The following DENND11 variants were observed in gnomAD, a reference collection of about 807,000 sequenced individuals.
The protein encoded by DENND11 is DENN domain-containing protein 11.
In DENND11, 34 loss-of-function variants were observed where a neutral mutation model predicts 49.2. That is an observed-to-expected ratio of 0.69 (90% CI 0.53 to 0.92). The LOEUF (loss-of-function observed/expected upper bound fraction) is 0.92. Among genes scored for constraint, DENND11 ranks in the 40% least tolerant of loss-of-function variants. The pLI is 0.00. For missense variants in DENND11, 475 were observed against 581.6 expected (o/e 0.82, Z 1.88); for synonymous variants, 238 against 230.3 (o/e 1.03, Z -0.30).
chr7:141,670,017 A>G (rs1417851105), intron 4 of DENND11, among the ~76,000 whole-genome samples: 1 of 150,388 alleles, frequency 6.6e-6, no homozygotes, highest in Non-Finnish European at 1.5e-5. Flanking sequence ...TCACCGTGTT[A>G]GCCAGGATGG....
At chr7:141,669,504 C>T (rs1317450142) in intron 4 of DENND11, among the ~76,000 whole-genome samples, 1 of 152,044 alleles carries the variant, frequency 6.6e-6, no homozygotes, top group Non-Finnish European at 1.5e-5. Context: ...CCTTGGCCTC[C>T]CAAAGTGCTG....
chr7:141,671,935 T>TA (rs930923364), intron 4 of DENND11, among the ~76,000 whole-genome samples: 9 of 152,220 alleles, frequency 5.9e-5, no homozygotes. Flanking sequence ...GGCTTCCTGT[T>TA]AGAGTTCTTC....
intron 1 of DENND11, among the ~76,000 whole-genome samples, chr7:141,690,004 G>T (rs1168688716): frequency 2.0e-5 from 3 of 152,186 alleles, no homozygotes; most frequent in Non-Finnish European, 4.4e-5. Context: ...AGCGTAAAGT[G>T]GCATTGTAAT....
intron 2 of DENND11, 115 bp from the exon 3 acceptor site, chr7:141,685,751 A>C: frequency 1.7e-6 from 2 of 1,170,400 alleles, no homozygotes; most frequent in Non-Finnish European, 2.4e-6. Context: ...GCTCAGCCTC[A>C]AGAAAACAAG....
chr7:141,673,962 G>A (rs1364962180), intron 4 of DENND11, 105 bp downstream of exon 4: 5 of 1,342,584 alleles, frequency 3.7e-6, no homozygotes, highest in Non-Finnish European at 5.1e-6. Context: ...TAGACATTTT[G>A]TATGATCCAA....
chr7:141,700,256 C>G (rs1024563806), intron 1 of DENND11, among the ~76,000 whole-genome samples: 1 of 151,956 alleles, frequency 6.6e-6, no homozygotes, highest in Non-Finnish European at 1.5e-5. Context: ...AGCTGTTTAC[C>G]TGTAAATGAT....
Position 141,656,824 on chromosome 7 carries a change from A to G in DENND11, c.*5832T>C, listed in dbSNP as rs201369721. The G allele has an allele frequency of 8.5e-5, 13 of 153,018 alleles. No homozygotes were observed. Among genetic ancestry groups the G allele is most frequent in the Non-Finnish European group, 1.6e-4 (11 of 68,082 alleles). The allele number at this position is 153,018 out of a possible 1,614,324, so 9.5% of individuals were successfully genotyped here. ...CACAACTTGGTTCAGATATATACAG[A>G]TATGATATTCATAGATGTTATTTGT... On this transcript the variant is annotated 3_prime_UTR_variant, in exon 9 of 9. Coordinates refer to ENST00000536163, the MANE Select transcript of DENND11 (RefSeq NM_001080392.2).
chr7:141,686,975 G>GT (rs1014979633), intron 1 of DENND11, among the ~76,000 whole-genome samples: 2 of 152,114 alleles, frequency 1.3e-5, no homozygotes, highest in Non-Finnish European at 2.9e-5. Flanking sequence ...TTCTCTGCAT[G>GT]TTTTTTTAAC....
intron 4 of DENND11, among the ~76,000 whole-genome samples, chr7:141,667,869 G>A (rs1460659453): frequency 6.6e-6 from 1 of 152,112 alleles, no homozygotes; most frequent in Non-Finnish European, 1.5e-5. Context: ...GGATAAAGGC[G>A]ACCCTGAACT....
At position 141,657,619 on chromosome 7, in the gene DENND11, A is replaced by C. The variant is rs553520973; in HGVS notation, c.*5037T>G. ...TATTGTTAGTCTAAATAAGCATTCTATAGCAAACATAAGTAATTCACACCT... is the reference window on the plus strand; with the variant it reads ...TATTGTTAGTCTAAATAAGCATTCTCTAGCAAACATAAGTAATTCACACCT... On this transcript the variant is annotated 3_prime_UTR_variant, in exon 9 of 9. Transcript: ENST00000536163. 1.3e-5 allele frequency: 2 copies of C among 152,446 alleles called. No individual in the cohort carries two copies. Among genetic ancestry groups the C allele is most frequent in the South Asian group, 4.1e-4 (2 of 4,830 alleles). 9.4% of individuals were successfully genotyped at this position (152,446 alleles called of 1,614,324 possible).
At chr7:141,695,336 A>G (rs1798396407) in intron 1 of DENND11, among the ~76,000 whole-genome samples, 1 of 152,222 alleles carries the variant, frequency 6.6e-6, no homozygotes, top group Admixed American at 6.5e-5. Flanking sequence ...CAAATTGGGG[A>G]AAATAATTGA....
At chr7:141,668,056 T>C (rs190436820) in intron 4 of DENND11, among the ~76,000 whole-genome samples, 13 of 152,230 alleles carry the variant, frequency 8.5e-5, no homozygotes, top group Admixed American at 2.6e-4. Context: ...TCCTCCCAGC[T>C]TTCCCACTGG....
intron 1 of DENND11, among the ~76,000 whole-genome samples, chr7:141,698,741 A>C (rs568476665): frequency 5.5e-4 from 83 of 152,012 alleles, no homozygotes; most frequent in African/African-American, 1.8e-3. Flanking sequence ...ACACACACAC[A>C]CCCTTTCTAA....
chr7:141,671,510 G>T (rs964734246), intron 4 of DENND11, among the ~76,000 whole-genome samples: 1 of 151,826 alleles, frequency 6.6e-6, no homozygotes. Context: ...ATATTGTTTT[G>T]TAAAAAGAAG....
intron 1 of DENND11, among the ~76,000 whole-genome samples, chr7:141,694,550 T>C (rs368890436): frequency 6.6e-6 from 1 of 152,180 alleles, no homozygotes. Context: ...CGTTAGTATA[T>C]GTATTCACGC....
intron 5 of DENND11, among the ~76,000 whole-genome samples, chr7:141,665,654 C>T (rs1344194260): frequency 6.6e-6 from 1 of 152,118 alleles, no homozygotes; most frequent in Non-Finnish European, 1.5e-5. Context: ...CTCCCTAGTC[C>T]TTTCTGTCCT....
chr7:141,684,386 T>A (rs1331740671), intron 3 of DENND11, among the ~76,000 whole-genome samples: 3 of 152,366 alleles, frequency 2.0e-5, no homozygotes, highest in Non-Finnish European at 4.4e-5. Flanking sequence ...ATAAGTCAAA[T>A]TATGTTTAAT....
rs1374541364 is a variant in DENND11 at position 141,665,499 on chromosome 7, C to A, written c.821-181G>T. ...TGGGGTGCCATGGCAGAAACTGACC[C>A]CTCAAGGTGACGTCAACAACGTGCT... On this transcript the variant is annotated intron_variant, in intron 5 of 8. Coordinates refer to ENST00000536163, the MANE Select transcript of DENND11 (RefSeq NM_001080392.2). 2.0e-5 allele frequency among the ~76,000 whole-genome samples: 3 copies of A among 152,158 alleles called. No individual in the cohort carries two copies. In the East Asian group the frequency reaches 5.8e-4, roughly 29 times the overall value.
intron 8 of DENND11, 36 bp from the exon 9 acceptor site, chr7:141,662,887 G>GC (rs1797824006): frequency 6.8e-7 from 1 of 1,469,756 alleles, no homozygotes; most frequent in African/African-American, 1.4e-5. Context: ...AAAGGAAGCG[G>GC]GGGGGAATAA....
Sources: gnomAD v4.1 joint callset for allele counts (sites outside exome capture counted in the v4.1 genomes callset) on GRCh38, gnomAD v4.1.1 for gene constraint, MANE v1.5 for transcripts, NCBI Gene and HGNC (gene_info 2026-07-23, HGNC 2026-07-21) for gene names.